Variants in PRIMPOL observed in about 807,000 individuals in gnomAD.
PRIMPOL encodes primase and DNA directed polymerase.
In PRIMPOL, 54 loss-of-function variants were observed where a neutral mutation model predicts 63.6. The ratio of observed to expected loss-of-function variants is 0.85; its 90% CI spans 0.68 to 1.07. PRIMPOL has a LOEUF of 1.07. Among genes scored for constraint, PRIMPOL ranks in the 50% least tolerant of loss-of-function variants. The pLI is 0.00. For missense variants in PRIMPOL, 610 were observed against 648.3 expected (o/e 0.94, Z 0.64); for synonymous variants, 197 against 220.2 (o/e 0.89, Z 0.93).
intron 1 of PRIMPOL, among the ~76,000 whole-genome samples, chr4:184,651,546 T>C (rs1744490958): frequency 6.6e-6 from 1 of 152,186 alleles, no homozygotes; most frequent in Admixed American, 6.5e-5. Flanking sequence ...CCTTATCCTA[T>C]TGTGATGCCC....
intron 5 of PRIMPOL, among the ~76,000 whole-genome samples, chr4:184,663,101 G>C (rs1748856575): frequency 6.6e-6 from 1 of 150,758 alleles, no homozygotes; most frequent in South Asian, 2.1e-4. Flanking sequence ...CTGGAGTGCA[G>C]TGGTGTGATC....
intron 13 of PRIMPOL, among the ~76,000 whole-genome samples, chr4:184,692,378 G>C (rs1242435794): frequency 6.7e-6 from 1 of 149,782 alleles, no homozygotes; most frequent in Non-Finnish European, 1.5e-5. Context: ...GGAGGCTGAG[G>C]CAGGAGAATC....
At chr4:184,691,767 T>G in intron 13 of PRIMPOL, 55 bp downstream of exon 13, 2 of 1,360,196 alleles carry the variant, frequency 1.5e-6, no homozygotes, top group Non-Finnish European at 2.1e-6. Context: ...GGTACAATAG[T>G]ATACCTGAGC....
chr4:184,689,338 A>G (rs1490725014), intron 11 of PRIMPOL, among the ~76,000 whole-genome samples: 7 of 151,772 alleles, frequency 4.6e-5, no homozygotes, highest in African/African-American at 1.7e-4. Flanking sequence ...CTGGAATTAC[A>G]GGTGTGAACC....
At chr4:184,673,505 A>G (rs897260477) in intron 7 of PRIMPOL, among the ~76,000 whole-genome samples, 2 of 146,580 alleles carry the variant, frequency 1.4e-5, no homozygotes, top group Non-Finnish European at 3.0e-5. Context: ...GCTCACTGCA[A>G]CCTCCGCCTC....
At chr4:184,651,133 CA>C (rs953348595) in intron 1 of PRIMPOL, among the ~76,000 whole-genome samples, 1 of 151,488 alleles carries the variant, frequency 6.6e-6, no homozygotes, top group Non-Finnish European at 1.5e-5. Context: ...ACTAAAAATA[CA>C]AAAAAAATTA....
At chr4:184,672,007 T>C (rs925514795) in intron 6 of PRIMPOL, among the ~76,000 whole-genome samples, 166 bp from the exon 7 acceptor site, 3 of 152,236 alleles carry the variant, frequency 2.0e-5, no homozygotes, top group Middle Eastern at 3.2e-3. Context: ...CCCAAAGTGC[T>C]GGGATTACAG....
Position 184,672,178 on chromosome 4 carries a change from T to G in PRIMPOL, c.562T>G (p.Phe188Val). ...AFKDNIHVGN[F>V]LRKILQPALD... ...ATAATAGCTTTTTTCCTTAGGTAAT[T>G]TTTTGAGAAAAATTTTGCAGCCTGC... Residue 188 changes from phenylalanine to valine, a missense_variant, in exon 7 of 14, where the codon TTT (phenylalanine) becomes GTT (valine). Physicochemically the swap from Phe to Val is conservative, Grantham distance 50. Around this residue, in one of 3 missense-constraint regions of PRIMPOL, gnomAD observed 444 missense variants for 456.4 expected, o/e 0.97. Coordinates refer to ENST00000314970, the MANE Select transcript of PRIMPOL (RefSeq NM_152683.4). The G allele has an allele frequency of 6.2e-7, 1 of 1,606,182 alleles. No homozygotes were observed. Among genetic ancestry groups the G allele is most frequent in the South Asian group, 1.1e-5 (1 of 89,554 alleles).
intron 11 of PRIMPOL, among the ~76,000 whole-genome samples, chr4:184,686,379 C>T (rs1033812207): frequency 4.6e-5 from 7 of 152,078 alleles, no homozygotes; most frequent in African/African-American, 1.7e-4. Context: ...CAGGTTTGGG[C>T]AAGAAGGGAT....
At chr4:184,650,320 G>A (rs1743874493) in intron 1 of PRIMPOL, among the ~76,000 whole-genome samples, 1 of 152,256 alleles carries the variant, frequency 6.6e-6, no homozygotes, top group Non-Finnish European at 1.5e-5. Context: ...GTGAAGAAGA[G>A]GAAAAGAAGC....
intron 6 of PRIMPOL, among the ~76,000 whole-genome samples, chr4:184,667,115 C>T (rs952606794): frequency 1.3e-5 from 2 of 152,152 alleles, no homozygotes; most frequent in African/African-American, 4.8e-5. Context: ...GGCATGAAAG[C>T]CAGGAACCTG....
At chr4:184,669,049 G>A (rs1750852515) in intron 6 of PRIMPOL, among the ~76,000 whole-genome samples, 1 of 152,126 alleles carries the variant, frequency 6.6e-6, no homozygotes, top group Non-Finnish European at 1.5e-5. Context: ...CTGACACGAT[G>A]TGGTCTGTTC....
At chr4:184,659,283 T>G in intron 3 of PRIMPOL, 57 bp from the exon 4 acceptor site, 1 of 1,262,266 alleles carries the variant, frequency 7.9e-7, no homozygotes, top group Non-Finnish European at 1.2e-6. Flanking sequence ...GTAGCTACAG[T>G]TGAGTTTAGG....
intron 2 of PRIMPOL, among the ~76,000 whole-genome samples, chr4:184,655,376 T>C (rs1746085771): frequency 6.8e-6 from 1 of 147,120 alleles, no homozygotes; most frequent in Non-Finnish European, 1.5e-5. Context: ...CAGGCTGGAG[T>C]GCAGTGGTGC....
At chr4:184,692,645 C>CACAT (rs1213794596) in intron 13 of PRIMPOL, among the ~76,000 whole-genome samples, 1 of 151,738 alleles carries the variant, frequency 6.6e-6, no homozygotes, top group Non-Finnish European at 1.5e-5. Flanking sequence ...AGTGATAGCA[C>CACAT]ACATACTATT....
intron 4 of PRIMPOL, 84 bp downstream of exon 4, chr4:184,659,521 G>A: frequency 1.0e-6 from 1 of 978,262 alleles, no homozygotes; most frequent in South Asian, 1.3e-5. Context: ...AGTTCAGGCT[G>A]AATTGGCTTC....
chr4:184,659,462 ACATTAAGCTAGAGTTC>A (rs766570365), intron 4 of PRIMPOL, 25 bp downstream of exon 4: 1 of 1,481,864 alleles, frequency 6.7e-7, no homozygotes, highest in East Asian at 2.3e-5. Context: ...GCAGAACCAC[ACATTAAGCTAGAGTTC>A]CATTTCCTTT....
chr4:184,676,005 G>A (rs1296703871), intron 7 of PRIMPOL, among the ~76,000 whole-genome samples: 1 of 152,098 alleles, frequency 6.6e-6, no homozygotes, highest in Non-Finnish European at 1.5e-5. Context: ...TTCCTCTGTG[G>A]TCAGTGTTTC....
At chr4:184,673,321 G>A (rs1406597659) in intron 7 of PRIMPOL, among the ~76,000 whole-genome samples, 2 of 151,730 alleles carry the variant, frequency 1.3e-5, no homozygotes, top group African/African-American at 4.8e-5. Flanking sequence ...AGTAGAGACG[G>A]GGTTTCACCG....
Sources: allele counts gnomAD v4.1 joint callset (sites outside exome capture counted in the v4.1 genomes callset), GRCh38; gene constraint gnomAD v4.1.1; regional missense constraint gnomAD v4.1.1; transcripts MANE v1.5; gene names NCBI Gene and HGNC (gene_info 2026-07-23, HGNC 2026-07-21).